Variants in HDAC9 observed in about 807,000 individuals in gnomAD.
The protein encoded by HDAC9 is histone deacetylase 9.
A neutral mutation model predicts 139.4 loss-of-function variants in HDAC9; 41 were observed. The ratio of observed to expected loss-of-function variants is 0.29; its 90% CI spans 0.23 to 0.38. HDAC9 has a LOEUF of 0.38. Among genes scored for constraint, HDAC9 ranks in the 10% least tolerant of loss-of-function variants. The pLI, the probability that HDAC9 is intolerant of heterozygous loss-of-function variation, is 1.00. For missense variants in HDAC9, 1,147 were observed against 1,297.0 expected, an observed-to-expected ratio of 0.88 and a Z score of 1.78; for synonymous variants, 517 against 476.2, an observed-to-expected ratio of 1.09 and a Z score of -1.12.
chr7:18,612,633 G>A (rs1837476452), intron 6 of HDAC9, among the ~76,000 whole-genome samples: 1 of 148,556 alleles, frequency 6.7e-6, no homozygotes, highest in African/African-American at 2.5e-5. Context: ...ATAAAATGTT[G>A]GCTATTTCAT....
intron 6 of HDAC9, among the ~76,000 whole-genome samples, chr7:18,622,597 C>T (rs528415571): frequency 1.1e-4 from 16 of 152,016 alleles, no homozygotes; most frequent in African/African-American, 2.4e-4. Flanking sequence ...GCTGGGATTA[C>T]GGGTGTGAGC....
At chr7:18,603,231 A>T (rs1008248791) in intron 6 of HDAC9, among the ~76,000 whole-genome samples, 5 of 152,020 alleles carry the variant, frequency 3.3e-5, no homozygotes, top group Admixed American at 3.3e-4. Flanking sequence ...TGTAGTTAGA[A>T]CGTCTTGTTT....
At chr7:18,225,780 A>G (rs1281850400) in intron 2 of HDAC9, among the ~76,000 whole-genome samples, 1 of 152,136 alleles carries the variant, frequency 6.6e-6, no homozygotes, top group African/African-American at 2.4e-5. Context: ...CATTTTATCA[A>G]AGGGAAAACT....
chr7:18,145,066 C>T (rs111822540), intron 1 of HDAC9, among the ~76,000 whole-genome samples: 5 of 152,314 alleles, frequency 3.3e-5, no homozygotes, highest in African/African-American at 4.8e-5. Context: ...ATGGACAACA[C>T]TTAGACTTTA....
At position 18,853,368 on chromosome 7, in the gene HDAC9, TG is replaced by T. The variant is rs552479079; in HGVS notation, c.2684+17376del. On this transcript the variant is annotated intron_variant, in intron 21 of 25. Coordinates refer to ENST00000686413, the MANE Select transcript of HDAC9 (RefSeq NM_178425.4). The stretch of plus-strand genomic sequence containing the variant: ...ATCCATTAGGAAAAAAAAATGAGTT[TG>T]GGGGTTTCTTACCAATTCTGAAAAG... Among the ~76,000 whole-genome samples, 816 of 152,180 alleles carry T rather than the reference TG, an allele frequency of 5.4e-3. 7 individuals carry two copies. Among genetic ancestry groups the T allele is most frequent in the African/African-American group, 0.019 (773 of 41,532 alleles).
chr7:18,878,945 A>G (rs980103160), intron 22 of HDAC9, among the ~76,000 whole-genome samples: 4 of 152,310 alleles, frequency 2.6e-5, no homozygotes, highest in Admixed American at 2.6e-4. Flanking sequence ...TTGGCTGACA[A>G]ACAACTTCAT....
intron 17 of HDAC9, among the ~76,000 whole-genome samples, chr7:18,824,044 G>GAAGAAGAA (rs1795197769): frequency 4.5e-5 from 3 of 67,118 alleles, no homozygotes; most frequent in African/African-American, 9.3e-5. Flanking sequence ...AAGAGGAAGA[G>GAAGAAGAA]GAAGAAGAAG....
At chr7:18,989,201 C>A (rs1218938332) in intron 25 of HDAC9, among the ~76,000 whole-genome samples, 1 of 148,226 alleles carries the variant, frequency 6.7e-6, no homozygotes, top group Non-Finnish European at 1.5e-5. Flanking sequence ...GTGGCTGGTA[C>A]CGGTTGTTCC....
At chr7:18,283,981 G>C (rs1485497400) in intron 2 of HDAC9, among the ~76,000 whole-genome samples, 2 of 152,168 alleles carry the variant, frequency 1.3e-5, no homozygotes, top group Non-Finnish European at 2.9e-5. Flanking sequence ...TCCTCTGGAA[G>C]TTAAACCAAT....
Position 18,812,840 on chromosome 7 carries a change from G to C in HDAC9, c.2323-16321G>C, listed in dbSNP as rs151058169. The stretch of plus-strand genomic sequence containing the variant: ...CATTGAGGACTCTGTTCATTTTCTT[G>C]AGTCTCATTTTCTTCTTTGCACTTT... On this transcript the variant is annotated intron_variant, in intron 17 of 25. Transcript: ENST00000686413. Among the ~76,000 whole-genome samples the C allele has an allele frequency of 3.0e-3, 455 of 151,954 alleles. 2 individuals are homozygous for C. The highest frequency in any genetic ancestry group is 9.9e-3 in the African/African-American group (411 of 41,470).
chr7:18,158,855 A>G (rs1270693593), intron 1 of HDAC9, among the ~76,000 whole-genome samples: 1 of 152,170 alleles, frequency 6.6e-6, no homozygotes, highest in Non-Finnish European at 1.5e-5. Context: ...TTCTGGCTGC[A>G]TGGGTAAGCT....
intron 21 of HDAC9, among the ~76,000 whole-genome samples, chr7:18,867,995 G>T (rs577907789): frequency 6.6e-6 from 1 of 152,048 alleles, no homozygotes; most frequent in Non-Finnish European, 1.5e-5. Flanking sequence ...TTTCATAACA[G>T]CATGTCTTTG....
At chr7:18,183,516 T>C (rs749463562) in intron 2 of HDAC9, among the ~76,000 whole-genome samples, 4 of 152,202 alleles carry the variant, frequency 2.6e-5, no homozygotes, top group South Asian at 2.1e-4. Context: ...GGATCTTCCT[T>C]GGATTCCATT....
At chr7:18,181,495 A>T (rs1789424394) in intron 2 of HDAC9, among the ~76,000 whole-genome samples, 1 of 152,216 alleles carries the variant, frequency 6.6e-6, no homozygotes, top group Non-Finnish European at 1.5e-5. Context: ...GTACTTGTAA[A>T]TCATTTCAGT....
chr7:18,897,989 C>A (rs1430822299), intron 22 of HDAC9, among the ~76,000 whole-genome samples: 49 of 151,744 alleles, frequency 3.2e-4, no homozygotes, highest in Non-Finnish European at 7.4e-5. Flanking sequence ...GGAACAAATA[C>A]ATTTTTGTAT....
At chr7:18,667,013 T>C in intron 12 of HDAC9, 1 of 985,132 alleles carries the variant, frequency 1.0e-6, no homozygotes, top group Non-Finnish European at 1.2e-6. Flanking sequence ...TCCTCTCTCT[T>C]TTTTTAGTTA....
intron 2 of HDAC9, among the ~76,000 whole-genome samples, chr7:18,234,243 T>C (rs1793667235): frequency 6.6e-6 from 1 of 152,218 alleles, no homozygotes; most frequent in South Asian, 2.1e-4. Flanking sequence ...TCTTGGATGC[T>C]TCCCTCAAGG....
rs542808314 is a variant in HDAC9, at chr7:18,471,373, C to A, written c.-41-24889C>A. Among the ~76,000 whole-genome samples the A allele has an allele frequency of 4.0e-4, 61 of 152,226 alleles. No individual in the cohort carries two copies. In the East Asian group the frequency reaches 8.7e-3, roughly 22 times the overall value. On this transcript the variant is annotated intron_variant, in intron 1 of 3. Transcript: ENST00000413509. Reference sequence around the variant, plus strand: ...TAGCCTTTCTGCTTTTACACAATACCTTTTAGTTTTTATCCAATATTCCAC... The same window carrying A: ...TAGCCTTTCTGCTTTTACACAATACATTTTAGTTTTTATCCAATATTCCAC...
chr7:18,211,099 C>T (rs1404007874), intron 2 of HDAC9, among the ~76,000 whole-genome samples: 5 of 152,110 alleles, frequency 3.3e-5, no homozygotes, highest in African/African-American at 9.7e-5. Flanking sequence ...ATGAGAATGC[C>T]TAATAATAAA....
Sources: gnomAD v4.1 joint callset for allele counts (sites outside exome capture counted in the v4.1 genomes callset) on GRCh38, gnomAD v4.1.1 for gene constraint, MANE v1.5 for transcripts, NCBI Gene and HGNC (gene_info 2026-07-23, HGNC 2026-07-21) for gene names.